The following ZNF385D variants were observed in gnomAD, a reference collection of about 807,000 sequenced individuals.
The protein encoded by ZNF385D is zinc finger protein 659.
Under a neutral mutation model 35.8 loss-of-function variants are expected in ZNF385D, and 15 were observed. The ratio of observed to expected loss-of-function variants is 0.42; its 90% CI spans 0.28 to 0.64. The LOEUF (loss-of-function observed/expected upper bound fraction) is 0.64, where lower values mean the gene tolerates loss of function less well. ZNF385D is among the 30% of genes least tolerant of loss of function. ZNF385D has a pLI of 0.23. For synonymous variants in ZNF385D, 212 were observed against 186.8 expected, an observed-to-expected ratio of 1.13 and a Z score of -1.10; for missense variants, 474 against 494.6, an observed-to-expected ratio of 0.96 and a Z score of 0.39.
chr3:21,932,162 T>G, intron 3 of ZNF385D, among the ~76,000 whole-genome samples: 1 of 30,402 alleles, frequency 3.3e-5, no homozygotes, highest in Non-Finnish European at 6.2e-5. Context: ...GCAAGACTCA[T>G]TCTCAAAAAA....
chr3:22,067,194 A>G (rs1700002593), intron 3 of ZNF385D, among the ~76,000 whole-genome samples: 1 of 152,178 alleles, frequency 6.6e-6, no homozygotes. Flanking sequence ...CTGCCTGTTG[A>G]GTTTATATCA....
At chr3:21,897,883 C>G (rs1450534865) in intron 3 of ZNF385D, among the ~76,000 whole-genome samples, 2 of 152,130 alleles carry the variant, frequency 1.3e-5, no homozygotes, top group Admixed American at 1.3e-4. Context: ...CAGCTAAAGC[C>G]TAATCAATAC....
At chr3:21,615,261 C>T (rs1046817007) in intron 2 of ZNF385D, among the ~76,000 whole-genome samples, 1 of 152,094 alleles carries the variant, frequency 6.6e-6, no homozygotes, top group African/African-American at 2.4e-5. Context: ...CTTCCTCTCT[C>T]AGCATGTGAT....
At chr3:22,049,527 G>A (rs1351526763) in intron 3 of ZNF385D, among the ~76,000 whole-genome samples, 1 of 151,822 alleles carries the variant, frequency 6.6e-6, no homozygotes, top group Non-Finnish European at 1.5e-5. Context: ...TTGCCTAATG[G>A]CTCTAGCTAC....
intron 3 of ZNF385D, among the ~76,000 whole-genome samples, chr3:21,989,752 G>A (rs1310133927): frequency 6.6e-6 from 1 of 151,862 alleles, no homozygotes; most frequent in Non-Finnish European, 1.5e-5. Context: ...CCTCATCTAA[G>A]CGCATTAAAA....
At chr3:22,191,174 T>C (rs893079831) in intron 2 of ZNF385D, among the ~76,000 whole-genome samples, 5 of 151,964 alleles carry the variant, frequency 3.3e-5, no homozygotes, top group African/African-American at 1.2e-4. Context: ...TATTTTTAAA[T>C]AGTGTGCCAT....
chr3:22,135,519 T>A (rs1206624056), intron 3 of ZNF385D, among the ~76,000 whole-genome samples: 2 of 152,168 alleles, frequency 1.3e-5, no homozygotes, highest in Non-Finnish European at 2.9e-5. Flanking sequence ...ATTCATAGAA[T>A]GAAAGACTCA....
chr3:21,556,125 C>G (rs554492228), intron 3 of ZNF385D, among the ~76,000 whole-genome samples: 1 of 135,150 alleles, frequency 7.4e-6, no homozygotes, highest in East Asian at 2.1e-4. Context: ...GGTATTAGAC[C>G]TTTATCAGAT....
At chr3:22,272,061 C>T (rs908896513) in intron 2 of ZNF385D, among the ~76,000 whole-genome samples, 1 of 151,958 alleles carries the variant, frequency 6.6e-6, no homozygotes, top group African/African-American at 2.4e-5. Context: ...TGTGTTTTTA[C>T]ATCCCATCGT....
At chr3:21,871,433 T>C (rs1697685711) in intron 3 of ZNF385D, among the ~76,000 whole-genome samples, 1 of 152,186 alleles carries the variant, frequency 6.6e-6, no homozygotes, top group Admixed American at 6.5e-5. Flanking sequence ...TATTGTCTGG[T>C]CAGTCCACTA....
intron 1 of ZNF385D, among the ~76,000 whole-genome samples, chr3:21,737,264 T>C (rs144853595): frequency 3.5e-4 from 53 of 152,322 alleles, no homozygotes; most frequent in African/African-American, 1.1e-3. Flanking sequence ...CAAAGAATTA[T>C]TATGCACTAT....
At chr3:21,593,511 A>AAGGGGCAGAGAAGTAAATAAAAGCCT (rs1450344308) in intron 2 of ZNF385D, among the ~76,000 whole-genome samples, 8 of 152,162 alleles carry the variant, frequency 5.3e-5, no homozygotes, top group Non-Finnish European at 1.2e-4. Context: ...AAGGCTGAGG[A>AAGGGGCAGAGAAGTAAATAAAAGCCT]AGGGGCAGAG....
At chr3:22,240,183 CA>C (rs66663088) in intron 2 of ZNF385D, among the ~76,000 whole-genome samples, 242 of 16,166 alleles carry the variant, frequency 0.015, 4 homozygotes, top group Middle Eastern at 0.071. Flanking sequence ...ACCCTGTCTC[CA>C]AAAAAAAAAA....
intron 3 of ZNF385D, among the ~76,000 whole-genome samples, chr3:21,957,566 T>C (rs2061939): frequency 0.68 from 103,876 of 151,952 alleles, 36,665 homozygotes; most frequent in Non-Finnish European, 0.77. Flanking sequence ...AAAACTCACA[T>C]GGCACAAGCC....
chr3:22,162,333 G>T (rs1390931816), intron 3 of ZNF385D, among the ~76,000 whole-genome samples: 2 of 151,954 alleles, frequency 1.3e-5, no homozygotes, highest in Non-Finnish European at 2.9e-5. Context: ...TTTGTGGGAG[G>T]GTTTACATCT....
At chr3:22,165,240 GC>G (rs1706236644) in intron 3 of ZNF385D, among the ~76,000 whole-genome samples, 1 of 152,188 alleles carries the variant, frequency 6.6e-6, no homozygotes, top group Admixed American at 6.5e-5. Context: ...AGTGCGGAAG[GC>G]TGTGTGTGAA....
At chr3:21,949,554 C>CTTT (rs372298558) in intron 3 of ZNF385D, among the ~76,000 whole-genome samples, 1 of 112,914 alleles carries the variant, frequency 8.9e-6, no homozygotes, top group African/African-American at 3.3e-5. Context: ...TTCTTTCTTT[C>CTTT]TTTTTTTTTT....
chr3:22,327,888 CTT>C (rs1694751789), intron 2 of ZNF385D, among the ~76,000 whole-genome samples: 1 of 152,176 alleles, frequency 6.6e-6, no homozygotes, highest in Non-Finnish European at 1.5e-5. Context: ...TGTTTCAACA[CTT>C]GAGGTGTAAC....
intron 2 of ZNF385D, among the ~76,000 whole-genome samples, chr3:22,179,500 G>A (rs1695075711): frequency 6.6e-6 from 1 of 152,250 alleles, no homozygotes; most frequent in Non-Finnish European, 1.5e-5. Context: ...AGACGACGGG[G>A]TTTTCTAGAT....
Sources: allele counts gnomAD v4.1 joint callset (sites outside exome capture counted in the v4.1 genomes callset), GRCh38; gene constraint gnomAD v4.1.1; transcripts MANE v1.5; gene names NCBI Gene and HGNC (gene_info 2026-07-23, HGNC 2026-07-21).